The following EPHB1 variants were observed in gnomAD, a reference collection of about 807,000 sequenced individuals.
EPHB1 encodes the protein ephrin type-B receptor 1.
EPHB1 carries 30 observed loss-of-function variants against 94.4 expected under a neutral mutation model. The observed-to-expected ratio is 0.32, with a 90% CI of 0.24 to 0.43. The LOEUF (loss-of-function observed/expected upper bound fraction) is 0.43. EPHB1 is among the 20% of genes least tolerant of loss of function. The probability of loss-of-function intolerance (pLI) is 1.00; values close to 1 mark genes in which losing one functional copy is unlikely to be tolerated. For synonymous variants in EPHB1, 522 were observed against 489.1 expected (o/e 1.07, Z -0.89); for missense variants, 1,055 against 1,308.3 (o/e 0.81, Z 2.99).
intron 1 of EPHB1, among the ~76,000 whole-genome samples, chr3:134,906,137 A>C (rs1323749388): frequency 6.6e-6 from 1 of 152,148 alleles, no homozygotes; most frequent in Non-Finnish European, 1.5e-5. Flanking sequence ...AAATTCATTA[A>C]TGGCAAATGA....
chr3:135,116,702 T>C (rs1487094456), intron 4 of EPHB1, among the ~76,000 whole-genome samples: 1 of 152,214 alleles, frequency 6.6e-6, no homozygotes, highest in Non-Finnish European at 1.5e-5. Context: ...TGGGCCCCTG[T>C]CTGTACACCC....
At chr3:135,161,887 G>C in intron 6 of EPHB1, 131 bp from the exon 7 acceptor site, 1 of 975,982 alleles carries the variant, frequency 1.0e-6, no homozygotes, top group South Asian at 1.9e-5. Flanking sequence ...GGGATGGCCT[G>C]GAGCTGATGA....
At chr3:135,189,443 C>T (rs4894287) in intron 10 of EPHB1, among the ~76,000 whole-genome samples, 62,240 of 152,064 alleles carry the variant, frequency 0.41, 13,166 homozygotes, top group East Asian at 0.7. Context: ...TTTCACAGGG[C>T]CGGATGTTCA....
chr3:135,047,850 T>TAGTG (rs113878805), intron 3 of EPHB1, among the ~76,000 whole-genome samples: 7,616 of 152,196 alleles, frequency 0.05, 232 homozygotes, highest in East Asian at 0.14. Flanking sequence ...TATTGACAAA[T>TAGTG]GGTGGAGATG....
intron 3 of EPHB1, among the ~76,000 whole-genome samples, chr3:135,069,719 C>G (rs183015934): frequency 2.7e-4 from 41 of 152,208 alleles, no homozygotes; most frequent in Non-Finnish European, 4.7e-4. Context: ...TGATCACAGG[C>G]CACTCACTGA....
At chr3:134,968,845 A>AT (rs1219054993) in intron 3 of EPHB1, among the ~76,000 whole-genome samples, 1 of 152,216 alleles carries the variant, frequency 6.6e-6, no homozygotes, top group Non-Finnish European at 1.5e-5. Flanking sequence ...TTCACTCAGC[A>AT]TAATGCCTGC....
chr3:134,923,012 T>A (rs540776538), intron 1 of EPHB1, among the ~76,000 whole-genome samples: 45 of 152,282 alleles, frequency 3.0e-4, no homozygotes, highest in African/African-American at 1.0e-3. Flanking sequence ...AAGTGTATTA[T>A]GTAAATTTGG....
intron 3 of EPHB1, among the ~76,000 whole-genome samples, chr3:134,975,430 T>C (rs1341725409): frequency 4.6e-5 from 7 of 151,898 alleles, no homozygotes; most frequent in African/African-American, 1.7e-4. Flanking sequence ...GAGTGAAGGG[T>C]AGGCTTAGGG....
intron 1 of EPHB1, among the ~76,000 whole-genome samples, chr3:134,814,074 C>T (rs2036223569): frequency 6.6e-6 from 1 of 152,172 alleles, no homozygotes; most frequent in South Asian, 2.1e-4. Context: ...GGACTGAACT[C>T]CTGTCACACT....
At chr3:134,978,880 C>G (rs1290132200) in intron 3 of EPHB1, among the ~76,000 whole-genome samples, 2 of 152,176 alleles carry the variant, frequency 1.3e-5, no homozygotes, top group Non-Finnish European at 2.9e-5. Context: ...TGGGACCTAC[C>G]CAGTAACCTG....
chr3:135,167,064 C>G (rs898250840), intron 9 of EPHB1, 58 bp downstream of exon 9: 2 of 1,579,804 alleles, frequency 1.3e-6, no homozygotes, highest in Non-Finnish European at 8.7e-7. Context: ...GTCAAGTGGG[C>G]TAGTGCTCAG....
At chr3:135,065,133 C>G (rs1937564472) in intron 3 of EPHB1, among the ~76,000 whole-genome samples, 1 of 152,012 alleles carries the variant, frequency 6.6e-6, no homozygotes, top group Non-Finnish European at 1.5e-5. Flanking sequence ...TATGGTCTAT[C>G]TTGGAGAAAG....
intron 3 of EPHB1, among the ~76,000 whole-genome samples, chr3:134,987,158 CAATAAT>C (rs1169121053): frequency 6.6e-6 from 1 of 151,938 alleles, no homozygotes; most frequent in Non-Finnish European, 1.5e-5. Context: ...ACAACAACAA[CAATAAT>C]AATAATAATT....
At chr3:135,232,457 C>A (rs1013442703) in intron 12 of EPHB1, among the ~76,000 whole-genome samples, 2 of 152,186 alleles carry the variant, frequency 1.3e-5, no homozygotes, top group African/African-American at 4.8e-5. Flanking sequence ...GGCTGGTCAA[C>A]CACACAGTCA....
At chr3:135,056,302 G>T (rs953616642) in intron 3 of EPHB1, among the ~76,000 whole-genome samples, 1 of 152,212 alleles carries the variant, frequency 6.6e-6, no homozygotes, top group Non-Finnish European at 1.5e-5. Context: ...TCCTCTGCCT[G>T]CCAGGCCGCA....
intron 1 of EPHB1, among the ~76,000 whole-genome samples, chr3:134,879,608 T>A (rs571020946): frequency 2.6e-5 from 4 of 152,226 alleles, no homozygotes; most frequent in South Asian, 2.1e-4. Context: ...GCCCAGATCA[T>A]GCCACTGTAC....
intron 12 of EPHB1, among the ~76,000 whole-genome samples, chr3:135,214,478 T>C (rs977274889): frequency 2.6e-5 from 4 of 152,188 alleles, no homozygotes; most frequent in African/African-American, 9.7e-5. Flanking sequence ...GGGTAATCTC[T>C]GTAAGCACCT....
At chr3:135,257,920 C>T (rs1933479564) in intron 15 of EPHB1, among the ~76,000 whole-genome samples, 1 of 151,526 alleles carries the variant, frequency 6.6e-6, no homozygotes, top group Non-Finnish European at 1.5e-5. Context: ...TCGTGGTGCG[C>T]CGTGTTTTAA....
intron 3 of EPHB1, among the ~76,000 whole-genome samples, chr3:134,990,524 A>G (rs893604655): frequency 5.3e-5 from 8 of 152,148 alleles, no homozygotes; most frequent in African/African-American, 1.9e-4. Context: ...TTAATAGTTC[A>G]GTTTTAAACT....
Sources: gnomAD v4.1 joint callset for allele counts (sites outside exome capture counted in the v4.1 genomes callset) on GRCh38, gnomAD v4.1.1 for gene constraint, MANE v1.5 for transcripts, NCBI Gene and HGNC (gene_info 2026-07-23, HGNC 2026-07-21) for gene names.